NPR3: variants seen among roughly 807,000 people sequenced by gnomAD.
NPR3 encodes the protein atrial natriuretic peptide receptor 3.
In NPR3, 34 loss-of-function variants were observed where a neutral mutation model predicts 54.5. The observed-to-expected ratio is 0.62, with a 90% confidence interval of 0.47 to 0.83. The LOEUF (loss-of-function observed/expected upper bound fraction) is 0.83, where lower values mean the gene tolerates loss of function less well. Ranked by LOEUF, NPR3 falls within the 40% of genes least tolerant of loss-of-function variation. The pLI is 0.00. For synonymous variants in NPR3, 289 were observed against 297.1 expected (o/e 0.97, Z 0.28); for missense variants, 674 against 720.8 (o/e 0.94, Z 0.74).
intron 3 of NPR3, among the ~76,000 whole-genome samples, chr5:32,749,670 C>A (rs1325348510): frequency 6.6e-6 from 1 of 152,188 alleles, no homozygotes; most frequent in Non-Finnish European, 1.5e-5. Flanking sequence ...GCCCTATATT[C>A]TTGGGGCCCA....
At chr5:32,722,374 C>A (rs1435356324) in intron 1 of NPR3, among the ~76,000 whole-genome samples, 1 of 152,170 alleles carries the variant, frequency 6.6e-6, no homozygotes, top group Admixed American at 6.5e-5. Flanking sequence ...TTTGTCTCTC[C>A]AGTTAGCATG....
chr5:32,786,289 G>T lies in NPR3; in HGVS notation c.1570G>T (p.Gly524Ter), dbSNP rs1224151999. The T allele has an allele frequency of 6.3e-7, 1 of 1,591,288 alleles. No individual in the cohort carries two copies. The highest frequency in any genetic ancestry group is 8.6e-7 in the Non-Finnish European group (1 of 1,162,976). ...RRTQQEESNLGKHRELREDSI... is the reference protein window; with the variant it reads ...RRTQQEESNL ...AACCCAGCAAGAAGAAAGTAACCTT[G>T]GAAAACATCGGGAATTACGGGAAGA... Residue 524 changes from glycine to a stop codon, truncating the protein, a stop_gained, in exon 8 of 8, where the codon GGA becomes TGA. Coordinates refer to ENST00000265074, the MANE Select transcript of NPR3 (RefSeq NM_001204375.2). LOFTEE classifies it high-confidence loss of function.
intron 3 of NPR3, among the ~76,000 whole-genome samples, chr5:32,745,189 G>A (rs1049256485): frequency 1.2e-4 from 18 of 152,136 alleles, no homozygotes; most frequent in Non-Finnish European, 2.9e-5. Flanking sequence ...TATACCATGG[G>A]AAATAGTGTG....
At chr5:32,719,855 T>G (rs1052842808) in intron 1 of NPR3, among the ~76,000 whole-genome samples, 1 of 151,554 alleles carries the variant, frequency 6.6e-6, no homozygotes, top group South Asian at 2.1e-4. Context: ...TACTGTTGAG[T>G]TTTTCATTTT....
chr5:32,754,697 G>A (rs940017142), intron 3 of NPR3, among the ~76,000 whole-genome samples: 3 of 151,996 alleles, frequency 2.0e-5, no homozygotes, highest in Non-Finnish European at 4.4e-5. Context: ...TGTGGGGAGG[G>A]GGGTGCAGAG....
chr5:32,735,891 G>T (rs924663694), intron 2 of NPR3, among the ~76,000 whole-genome samples: 9 of 152,104 alleles, frequency 5.9e-5, no homozygotes, highest in African/African-American at 2.2e-4. Context: ...TATTTAGCTT[G>T]GCTTAAATTT....
chr5:32,764,893 C>CT (rs1485803973), intron 3 of NPR3, among the ~76,000 whole-genome samples: 1 of 149,508 alleles, frequency 6.7e-6, no homozygotes, highest in Non-Finnish European at 1.5e-5. Flanking sequence ...CTGGAATGCT[C>CT]TTTTTAAAAC....
At chr5:32,729,032 T>G (rs867377437) in intron 2 of NPR3, among the ~76,000 whole-genome samples, 8,206 of 95,102 alleles carry the variant, frequency 0.086, 575 homozygotes, top group South Asian at 0.19. Flanking sequence ...TTTTTTTTGT[T>G]TTGTTTTTTT....
intron 2 of NPR3, among the ~76,000 whole-genome samples, chr5:32,728,775 G>A (rs576104436): frequency 3.5e-5 from 5 of 142,842 alleles, no homozygotes; most frequent in South Asian, 2.2e-4. Flanking sequence ...TGGTATTAAC[G>A]TGCTTCAGAT....
At chr5:32,755,397 C>T (rs1561112609) in intron 3 of NPR3, among the ~76,000 whole-genome samples, 1 of 152,306 alleles carries the variant, frequency 6.6e-6, no homozygotes, top group East Asian at 1.9e-4. Context: ...CCACTTGACT[C>T]TCCCTATCAG....
intron 1 of NPR3, among the ~76,000 whole-genome samples, chr5:32,718,452 T>C (rs954880282): frequency 2.6e-5 from 4 of 152,272 alleles, no homozygotes; most frequent in African/African-American, 9.6e-5. Context: ...TTTCATGATA[T>C]TGATTCTTCC....
chr5:32,710,598 G>A (rs919195133), upstream of NPR3: 5 of 1,398,406 alleles, frequency 3.6e-6, no homozygotes, highest in Non-Finnish European at 4.7e-6. Flanking sequence ...GGAGGGGGCT[G>A]GCGCGGGGCT....
chr5:32,732,575 C>T (rs930883069), intron 2 of NPR3, among the ~76,000 whole-genome samples: 23 of 152,272 alleles, frequency 1.5e-4, no homozygotes, highest in African/African-American at 5.1e-4. Flanking sequence ...GGCAACTGTC[C>T]ATCTTCCACA....
At chr5:32,776,865 G>A (rs1742076975) in intron 4 of NPR3, among the ~76,000 whole-genome samples, 1 of 152,142 alleles carries the variant, frequency 6.6e-6, no homozygotes, top group Non-Finnish European at 1.5e-5. Context: ...GCCAGGCAAG[G>A]AGGAGTAGGG....
rs1297553819 is a variant in NPR3, at chr5:32,711,672, G to C, written c.-105G>C. On this transcript the variant is annotated 5_prime_UTR_variant, in exon 1 of 8. Coordinates refer to ENST00000265074, the MANE Select transcript of NPR3 (RefSeq NM_001204375.2). Reference sequence around the variant, plus strand: ...TTCTATTTTGTTAAAGCGCCCAAGGGGGCGCAGGGACCTTGGAGAGAAGAG... The same window carrying C: ...TTCTATTTTGTTAAAGCGCCCAAGGCGGCGCAGGGACCTTGGAGAGAAGAG... The C allele has an allele frequency of 7.6e-7, 1 of 1,318,072 alleles. No individual in the cohort carries two copies. Among genetic ancestry groups the C allele is most frequent in the Non-Finnish European group, 9.6e-7 (1 of 1,037,254 alleles). The allele number at this position is 1,318,072 out of a possible 1,614,324, so 81.6% of individuals were successfully genotyped here. A position where few individuals can be genotyped will look rare whatever the true frequency, so the allele number is the denominator to read the frequency against.
At chr5:32,750,866 A>G (rs945850889) in intron 3 of NPR3, among the ~76,000 whole-genome samples, 1 of 152,210 alleles carries the variant, frequency 6.6e-6, no homozygotes, top group Admixed American at 6.5e-5. Flanking sequence ...CAGACAAGCA[A>G]AACACACGAA....
At chr5:32,711,279 C>A, upstream of NPR3, 1 of 983,660 alleles carries the variant, frequency 1.0e-6, no homozygotes, top group South Asian at 4.7e-5. Context: ...CACGCTCAGC[C>A]GCTGCCACGC....
chr5:32,725,815 A>C (rs1341078685), intron 2 of NPR3, among the ~76,000 whole-genome samples: 1 of 152,210 alleles, frequency 6.6e-6, no homozygotes, highest in Non-Finnish European at 1.5e-5. Flanking sequence ...TGAGGTACAA[A>C]TCATTTGAAA....
chr5:32,722,464 A>T (rs1738915325), intron 1 of NPR3, among the ~76,000 whole-genome samples: 1 of 152,206 alleles, frequency 6.6e-6, no homozygotes, highest in South Asian at 2.1e-4. Flanking sequence ...TGCATTTCAG[A>T]TTACCTATAC....
Sources: allele counts gnomAD v4.1 joint callset (sites outside exome capture counted in the v4.1 genomes callset), GRCh38; gene constraint gnomAD v4.1.1; transcripts MANE v1.5; gene names NCBI Gene and HGNC (gene_info 2026-07-23, HGNC 2026-07-21).